CYB5A: variants seen among roughly 807,000 people sequenced by gnomAD.
The protein encoded by CYB5A is cytochrome b5 type A.
Under a neutral mutation model 16.2 loss-of-function variants are expected in CYB5A, and 10 were observed. The ratio of observed to expected loss-of-function variants is 0.62; its 90% CI spans 0.38 to 1.04. The LOEUF (loss-of-function observed/expected upper bound fraction) is 1.04, where lower values mean the gene tolerates loss of function less well. Among genes scored for constraint, CYB5A ranks in the 50% least tolerant of loss-of-function variants. The pLI, the probability that CYB5A is intolerant of heterozygous loss-of-function variation, is 0.01. For missense variants in CYB5A, 161 were observed against 165.9 expected, an observed-to-expected ratio of 0.97 and a Z score of 0.16; for synonymous variants, 62 against 57.0, an observed-to-expected ratio of 1.09 and a Z score of -0.40.
chr18:74,268,770 GA>G (rs1429551832), intron 1 of CYB5A, among the ~76,000 whole-genome samples: 1 of 152,166 alleles, frequency 6.6e-6, no homozygotes, highest in Non-Finnish European at 1.5e-5. Flanking sequence ...CTGAATGGAA[GA>G]TGGGGCCAAA....
At position 74,263,235 on chromosome 18, in the gene CYB5A, G is replaced by C. The variant is rs1982283683; in HGVS notation, c.258+114C>G. Reference sequence around the variant, plus strand: ...AAAAAATGGTGTCCTAAAATCAGGAGTTGTTTTTGCTTTACTCCTTTTAAA... The same window carrying C: ...AAAAAATGGTGTCCTAAAATCAGGACTTGTTTTTGCTTTACTCCTTTTAAA... On this transcript the variant is annotated intron_variant, in intron 2 of 4. Coordinates refer to ENST00000340533, the MANE Select transcript of CYB5A (RefSeq NM_148923.4). The C allele has an allele frequency of 1.5e-5, 20 of 1,357,034 alleles. 1 individual carries two copies. In the South Asian group the frequency reaches 2.2e-4, roughly 15 times the overall value. The allele number at this position is 1,357,034 out of a possible 1,614,324, so 84.1% of individuals were successfully genotyped here. A position where few individuals can be genotyped will look rare whatever the true frequency, so the allele number is the denominator to read the frequency against.
intron 1 of CYB5A, among the ~76,000 whole-genome samples, chr18:74,264,892 C>T (rs1051796317): frequency 2.6e-5 from 4 of 151,894 alleles, no homozygotes; most frequent in Non-Finnish European, 4.4e-5. Context: ...AAGCAGCTCT[C>T]AGAGTAATAA....
chr18:74,281,855 G>T (rs1983125571), intron 1 of CYB5A, among the ~76,000 whole-genome samples: 1 of 151,052 alleles, frequency 6.6e-6, no homozygotes, highest in African/African-American at 2.4e-5. Flanking sequence ...TTGCAGGAAA[G>T]GAGAAAACAG....
At chr18:74,272,794 C>G (rs929715965) in intron 1 of CYB5A, among the ~76,000 whole-genome samples, 1 of 150,946 alleles carries the variant, frequency 6.6e-6, no homozygotes, top group East Asian at 2.0e-4. Flanking sequence ...TAGTGGTGGG[C>G]GCCTGTATCC....
chr18:74,264,827 G>A lies in CYB5A; in HGVS notation c.130-1350C>T, dbSNP rs111476877. Among the ~76,000 whole-genome samples the A allele has an allele frequency of 6.4e-3, 973 of 152,318 alleles. 11 individuals carry two copies. The highest frequency in any genetic ancestry group is 0.021 in the African/African-American group (878 of 41,564). ...ATTTTTTCTCCAAGATGATTGACAA[G>A]TGGGGATTAGTCACAGGACAGAGGT... On this transcript the variant is annotated intron_variant, in intron 1 of 4. Transcript: ENST00000340533.
At position 74,291,789 on chromosome 18, in the gene CYB5A, G is replaced by A. The variant is rs1365397193; in HGVS notation, c.87C>T (p.Ile29=). 1 of 1,613,736 alleles carries A rather than the reference G, an allele frequency of 6.2e-7. No individual in the cohort carries two copies. Among genetic ancestry groups the A allele is most frequent in the Admixed American group, 1.7e-5 (1 of 59,990 alleles). ...TCAAATCGTACACCTTGTGGTGCAGGATCAGCCAGGTGCTCTTGCTGTGGT... is the reference window on the plus strand; with the variant it reads ...TCAAATCGTACACCTTGTGGTGCAGAATCAGCCAGGTGCTCTTGCTGTGGT... ...KHNHSKSTWL[I]LHHKVYDLTK... The change falls in exon 1 of 5, where the codon ATC becomes ATT. Residue 29 remains isoleucine (I), a synonymous_variant. Transcript: ENST00000340533.
rs1555688512 is a variant in CYB5A at position 74,262,455 on chromosome 18, C to CAT, written c.258+893_258+894insAT. Reference sequence around the variant, plus strand: ...TGGGCAACAGAGCAAGACTCTGTCTCAAAAAAAAAAAAAAAGAAAAGAAAA... The same window carrying CAT: ...TGGGCAACAGAGCAAGACTCTGTCTCATAAAAAAAAAAAAAAAGAAAAGAAAA... On this transcript the variant is annotated intron_variant, in intron 2 of 4. Transcript: ENST00000340533. Among the ~76,000 whole-genome samples, 21 of 132,218 alleles carry CAT rather than the reference C, an allele frequency of 1.6e-4. No individual in the cohort carries two copies. The East Asian group carries it at 3.8e-3, about 24-fold the overall frequency. The allele number at this position is 132,218 out of a possible 152,430, so 86.7% of individuals were successfully genotyped here.
At chr18:74,258,893 C>T (rs1170718628) in intron 3 of CYB5A, 3 of 152,220 alleles carry the variant, frequency 2.0e-5, no homozygotes, top group African/African-American at 2.4e-5. Context: ...CCTGTAATCT[C>T]GGCATTTTGG....
chr18:74,271,387 CCCT>C (rs1308845673), intron 1 of CYB5A, among the ~76,000 whole-genome samples: 4 of 152,158 alleles, frequency 2.6e-5, no homozygotes, highest in African/African-American at 7.2e-5. Context: ...GAGTGACTTT[CCCT>C]GAGGGCAGGA....
chr18:74,275,607 G>C (rs1020992729), intron 1 of CYB5A, among the ~76,000 whole-genome samples: 2 of 152,154 alleles, frequency 1.3e-5, no homozygotes, highest in Non-Finnish European at 2.9e-5. Context: ...GTCAAGAAAA[G>C]TGACCTGTGT....
intron 1 of CYB5A, among the ~76,000 whole-genome samples, 193 bp from the exon 2 acceptor site, chr18:74,263,670 A>G (rs2032267): frequency 0.94 from 143,360 of 152,160 alleles, 67,990 homozygotes; most frequent in East Asian, 1. Context: ...CAAGTACAAT[A>G]GGCCTAGGCA....
At chr18:74,255,100 C>T (rs937891924) in intron 4 of CYB5A, among the ~76,000 whole-genome samples, 2 of 152,112 alleles carry the variant, frequency 1.3e-5, no homozygotes, top group Admixed American at 1.3e-4. Context: ...ATACTGCCTG[C>T]AGGCAGGGAA....
Position 74,253,620 on chromosome 18 carries a change from G to A in CYB5A, c.369C>T (p.Val123=), listed in dbSNP as rs2276275. The change falls in exon 5 of 5, where the codon GTC becomes GTT. Residue 123 remains valine, a synonymous_variant. Coordinates refer to ENST00000340533, the MANE Select transcript of CYB5A (RefSeq NM_148923.4). ...CCATGTATAGGCGATACATCAAGGC[G>A]ACGGCCACTGCAGAGATGGCAGGGA... ...WVIPAISAVA[V]ALMYRLYMAE... 6,200 of 1,613,372 alleles carry A rather than the reference G, an allele frequency of 3.8e-3. 167 individuals carry two copies. The East Asian group carries it at 0.057, about 15-fold the overall frequency.
intron 1 of CYB5A, among the ~76,000 whole-genome samples, chr18:74,280,710 G>A (rs1438737524): frequency 1.3e-5 from 2 of 152,094 alleles, no homozygotes; most frequent in Admixed American, 1.3e-4. Flanking sequence ...CCAGAATTAT[G>A]TGCTGAAAAG....
Position 74,260,953 on chromosome 18 carries a change from A to G in CYB5A, c.259-9T>C. ...AACTTTGGTCTGTCATCCTGCAATG[A>G]AAAGATAAGGCACATTATGGAATTT... On this transcript the variant is annotated splice_polypyrimidine_tract_variant and intron_variant, in intron 2 of 4. Transcript: ENST00000340533. The G allele has an allele frequency of 6.2e-7, 1 of 1,610,104 alleles. No homozygotes were observed. The highest frequency in any genetic ancestry group is 8.5e-7 in the Non-Finnish European group (1 of 1,176,478).
At chr18:74,289,519 TA>T (rs1983446737) in intron 1 of CYB5A, among the ~76,000 whole-genome samples, 1 of 152,170 alleles carries the variant, frequency 6.6e-6, no homozygotes, top group Admixed American at 6.5e-5. Flanking sequence ...CTCACGCCTG[TA>T]ATCCCAGCAC....
intron 3 of CYB5A, 68 bp from the exon 4 acceptor site, chr18:74,255,843 C>A: frequency 2.4e-6 from 3 of 1,239,962 alleles, no homozygotes; most frequent in Non-Finnish European, 3.6e-6. Flanking sequence ...TGACTAAAAT[C>A]CTGTTTGAAA....
intron 1 of CYB5A, among the ~76,000 whole-genome samples, chr18:74,264,841 C>T (rs1232822177): frequency 6.6e-6 from 1 of 152,104 alleles, no homozygotes; most frequent in African/African-American, 2.4e-5. Context: ...GGATTAGTCA[C>T]AGGACAGAGG....
chr18:74,285,306 C>A (rs1983276255), intron 1 of CYB5A, among the ~76,000 whole-genome samples: 1 of 152,240 alleles, frequency 6.6e-6, no homozygotes, highest in African/African-American at 2.4e-5. Context: ...ATGTAGTCAG[C>A]TGCTGCCTCC....
Sources: allele counts gnomAD v4.1 joint callset (sites outside exome capture counted in the v4.1 genomes callset), GRCh38; gene constraint gnomAD v4.1.1; transcripts MANE v1.5; gene names NCBI Gene and HGNC (gene_info 2026-07-23, HGNC 2026-07-21).